Variants in KATNIP observed in about 807,000 individuals in gnomAD.
KATNIP encodes katanin-interacting protein.
A neutral mutation model predicts 174.0 loss-of-function variants in KATNIP; 126 were observed. That is an observed-to-expected ratio of 0.72 (90% confidence interval 0.63 to 0.84). The LOEUF (loss-of-function observed/expected upper bound fraction) is 0.84. Ranked by LOEUF, KATNIP falls within the 40% of genes least tolerant of loss-of-function variation. The pLI is 0.00. For synonymous variants in KATNIP, 810 were observed against 835.7 expected (o/e 0.97, Z 0.53); for missense variants, 1,958 against 2,109.7 (o/e 0.93, Z 1.41).
At chr16:27,579,702 T>A (rs1235508504) in intron 2 of KATNIP, among the ~76,000 whole-genome samples, 1 of 152,030 alleles carries the variant, frequency 6.6e-6, no homozygotes, top group African/African-American at 2.4e-5. Context: ...GAGCCTCCCA[T>A]GATAACGGAA....
At chr16:27,746,608 C>A (rs1161209459) in intron 15 of KATNIP, among the ~76,000 whole-genome samples, 1 of 152,202 alleles carries the variant, frequency 6.6e-6, no homozygotes, top group Non-Finnish European at 1.5e-5. Flanking sequence ...TGGGACACCT[C>A]CAGGAGCGAG....
chr16:27,732,499 G>C (rs1338914591), intron 14 of KATNIP, among the ~76,000 whole-genome samples: 1 of 152,192 alleles, frequency 6.6e-6, no homozygotes, highest in Non-Finnish European at 1.5e-5. Context: ...CTCCTGGGGA[G>C]GACAAGCATG....
chr16:27,568,071 A>G (rs754910316), intron 1 of KATNIP, among the ~76,000 whole-genome samples: 31 of 152,250 alleles, frequency 2.0e-4, no homozygotes, highest in Admixed American at 6.5e-4. Context: ...AATAGAACCA[A>G]TATGAGTATA....
At position 27,749,807 on chromosome 16, in the gene KATNIP, G is replaced by C. The variant is rs1263669960; in HGVS notation, c.2847G>C (p.Leu949=). Residue 949 remains leucine, a synonymous_variant, in exon 16 of 28, where the codon CTG becomes CTC. Transcript: ENST00000261588. ...PPSKKGEQPG[L]SRGQDGYSGE... is the part of the protein sequence containing the mutation. Reference sequence around the variant, plus strand: ...CCAAGAAGGGGGAGCAGCCAGGGCTGTCGAGAGGGCAGGATGGCTACTCTG... The same window carrying C: ...CCAAGAAGGGGGAGCAGCCAGGGCTCTCGAGAGGGCAGGATGGCTACTCTG... 3 of 1,612,508 alleles carry C rather than the reference G, an allele frequency of 1.9e-6. No individual in the cohort carries two copies. Among genetic ancestry groups the C allele is most frequent in the East Asian group, 4.5e-5 (2 of 44,862 alleles).
At chr16:27,696,315 G>A (rs2078909829) in intron 8 of KATNIP, among the ~76,000 whole-genome samples, 1 of 152,016 alleles carries the variant, frequency 6.6e-6, no homozygotes, top group African/African-American at 2.4e-5. Context: ...ATAAGTTTTT[G>A]TTTTGATGCA....
intron 22 of KATNIP, 110 bp from the exon 23 acceptor site, chr16:27,772,987 TTC>T (rs2082363064): frequency 4.7e-6 from 3 of 634,962 alleles, no homozygotes; most frequent in Non-Finnish European, 5.6e-6. Flanking sequence ...AAAAATGTTT[TTC>T]TCTCATTCAT....
chr16:27,616,290 G>C (rs1235182673), intron 2 of KATNIP, among the ~76,000 whole-genome samples: 1 of 151,932 alleles, frequency 6.6e-6, no homozygotes, highest in Non-Finnish European at 1.5e-5. Context: ...GAGAATCCGG[G>C]AGGCAGAGGT....
intron 2 of KATNIP, among the ~76,000 whole-genome samples, chr16:27,604,753 G>A (rs2075649028): frequency 6.6e-6 from 1 of 152,162 alleles, no homozygotes; most frequent in Non-Finnish European, 1.5e-5. Context: ...CTGACTCTGT[G>A]TTTCCCAGTG....
Position 27,773,008 on chromosome 16 carries a change from A to T in KATNIP, c.4199-91A>T, listed in dbSNP as rs1324273425. 9.7e-6 allele frequency: 7 copies of T among 720,076 alleles called. No homozygotes were observed. The East Asian group carries it at 1.9e-4, about 20-fold the overall frequency. 44.6% of individuals were successfully genotyped at this position (720,076 alleles called of 1,614,324 possible). The stretch of plus-strand genomic sequence containing the variant: ...GTTTTTCTCTCATTCATCAACATAA[A>T]CCCAAAACAATTCCTCTTATCTTTG... On this transcript the variant is annotated intron_variant, in intron 22 of 27. Coordinates refer to ENST00000261588, the MANE Select transcript of KATNIP (RefSeq NM_015202.5).
At chr16:27,617,225 A>G (rs759403135) in intron 2 of KATNIP, among the ~76,000 whole-genome samples, 17 of 152,212 alleles carry the variant, frequency 1.1e-4, no homozygotes, top group South Asian at 6.2e-4. Flanking sequence ...TTGTCTGGAT[A>G]CTTCTTTAGG....
intron 14 of KATNIP, among the ~76,000 whole-genome samples, chr16:27,734,298 G>T (rs1361009758): frequency 1.3e-5 from 2 of 151,194 alleles, no homozygotes; most frequent in Non-Finnish European, 2.9e-5. Context: ...CTGCAGAGCG[G>T]TCTCAAATTC....
chr16:27,558,665 A>G (rs2089727812), intron 1 of KATNIP, among the ~76,000 whole-genome samples: 2 of 152,142 alleles, frequency 1.3e-5, no homozygotes, highest in South Asian at 2.1e-4. Context: ...TTTCACATAC[A>G]TATAGTCCAT....
chr16:27,672,634 G>A (rs1021065158), intron 6 of KATNIP, among the ~76,000 whole-genome samples: 5 of 152,242 alleles, frequency 3.3e-5, no homozygotes, highest in African/African-American at 1.2e-4. Flanking sequence ...ATGCAAGAGA[G>A]TCTGTGTTAT....
Position 27,637,538 on chromosome 16 carries a change from C to G in KATNIP, c.408+6376C>G, listed in dbSNP as rs2076673016. Among the ~76,000 whole-genome samples, 1 of 152,166 alleles carries G rather than the reference C, an allele frequency of 6.6e-6. No individual in the cohort carries two copies. Among genetic ancestry groups the G allele is most frequent in the East Asian group, 1.9e-4 (1 of 5,166 alleles). On this transcript the variant is annotated intron_variant, in intron 5 of 27. Coordinates refer to ENST00000261588, the MANE Select transcript of KATNIP (RefSeq NM_015202.5). This position sits in a 1 kb window ranked among gnomAD's most constrained non-coding sequence, Gnocchi z 4.7. ...AGCGAAGGTGGGCAGCACAGCCTCC[C>G]AAGGGGCCGCATCGCAGCCAGGGCC...
intron 1 of KATNIP, among the ~76,000 whole-genome samples, chr16:27,553,651 CTAAA>C (rs1372113667): frequency 6.6e-6 from 1 of 151,828 alleles, no homozygotes; most frequent in Non-Finnish European, 1.5e-5. Context: ...TCCATCTCTA[CTAAA>C]TAAATAAATA....
intron 2 of KATNIP, among the ~76,000 whole-genome samples, chr16:27,586,887 A>G (rs1205498728): frequency 2.6e-5 from 4 of 151,538 alleles, no homozygotes; most frequent in African/African-American, 4.8e-5. Flanking sequence ...AGGAAGTTCA[A>G]TAAAATTCTG....
chr16:27,703,537 C>G (rs1254723330), intron 11 of KATNIP, among the ~76,000 whole-genome samples: 4 of 152,210 alleles, frequency 2.6e-5, no homozygotes, highest in Non-Finnish European at 5.9e-5. Context: ...CTTTTAAAAA[C>G]ATAAACCATT....
intron 2 of KATNIP, among the ~76,000 whole-genome samples, chr16:27,603,758 A>G (rs748666160): frequency 1.6e-4 from 21 of 133,842 alleles, no homozygotes; most frequent in Non-Finnish European, 2.8e-4. Flanking sequence ...TTTTTTTGAG[A>G]TAGAGTGTCC....
At chr16:27,753,928 G>A (rs2143869558) in intron 17 of KATNIP, among the ~76,000 whole-genome samples, 1 of 152,088 alleles carries the variant, frequency 6.6e-6, no homozygotes, top group South Asian at 2.1e-4. Flanking sequence ...CACCTTAGCT[G>A]TTAGCATCAG....
Sources: gnomAD v4.1 joint callset for allele counts (sites outside exome capture counted in the v4.1 genomes callset) on GRCh38, gnomAD v4.1.1 for gene constraint, Gnocchi (gnomAD v3.1) non-coding constraint, MANE v1.5 for transcripts, NCBI Gene and HGNC (gene_info 2026-07-23, HGNC 2026-07-21) for gene names.